The following KLHL14 variants were observed in gnomAD, a reference collection of about 807,000 sequenced individuals.
KLHL14 encodes the protein kelch-like protein 14.
A neutral mutation model predicts 64.3 loss-of-function variants in KLHL14; 22 were observed. The ratio of observed to expected loss-of-function variants is 0.34; its 90% CI spans 0.24 to 0.49. The LOEUF is 0.49. KLHL14 is among the 20% of genes least tolerant of loss of function. KLHL14 has a pLI of 0.99. For missense variants in KLHL14, 661 were observed against 789.0 expected (o/e 0.84, Z 1.94); for synonymous variants, 322 against 333.4 (o/e 0.97, Z 0.37).
intron 2 of KLHL14, among the ~76,000 whole-genome samples, chr18:32,754,725 T>C (rs1214902207): frequency 6.6e-6 from 1 of 152,038 alleles, no homozygotes; most frequent in Non-Finnish European, 1.5e-5. Flanking sequence ...AGTTGGAGAG[T>C]CACTGCAGGA....
intron 3 of KLHL14, among the ~76,000 whole-genome samples, chr18:32,720,734 C>A (rs2050074813): frequency 6.6e-6 from 1 of 152,134 alleles, no homozygotes; most frequent in Non-Finnish European, 1.5e-5. Flanking sequence ...TTTCACAAAG[C>A]TGTGCTTTCC....
intron 7 of KLHL14, among the ~76,000 whole-genome samples, chr18:32,678,739 A>G (rs2049823422): frequency 1.3e-5 from 2 of 152,142 alleles, no homozygotes; most frequent in Non-Finnish European, 2.9e-5. Context: ...CCACACAACT[A>G]GAAAGTGCAT....
intron 2 of KLHL14, among the ~76,000 whole-genome samples, chr18:32,747,667 T>A (rs1369783262): frequency 1.3e-5 from 2 of 152,208 alleles, no homozygotes; most frequent in Non-Finnish European, 2.9e-5. Flanking sequence ...TACGGCCCAG[T>A]TCCTAACAGG....
chr18:32,700,070 A>G (rs184463217), intron 3 of KLHL14, among the ~76,000 whole-genome samples: 1 of 152,092 alleles, frequency 6.6e-6, no homozygotes, highest in East Asian at 1.9e-4. Context: ...TGTACTAGAG[A>G]TCCACACTAC....
At chr18:32,771,966 C>T in intron 1 of KLHL14, 1 of 177,930 alleles carries the variant, frequency 5.6e-6, no homozygotes, top group Non-Finnish European at 1.2e-5. Flanking sequence ...AAGTCTGAGC[C>T]GCCCGCATCT....
chr18:32,734,341 A>G, intron 3 of KLHL14: 1 of 673,010 alleles, frequency 1.5e-6, no homozygotes, highest in Non-Finnish European at 2.7e-6. Flanking sequence ...ATGCATGTCA[A>G]GATGGAGCCC....
intron 3 of KLHL14, among the ~76,000 whole-genome samples, chr18:32,705,715 T>G (rs185448588): frequency 8.5e-5 from 13 of 152,362 alleles, no homozygotes; most frequent in Non-Finnish European, 8.8e-5. Context: ...AGAGCAAGAC[T>G]GTCTCTAAAT....
At chr18:32,761,342 C>A (rs1451206373) in intron 2 of KLHL14, among the ~76,000 whole-genome samples, 1 of 150,836 alleles carries the variant, frequency 6.6e-6, no homozygotes, top group Non-Finnish European at 1.5e-5. Context: ...GGGCCTACAA[C>A]TTCCTGTATG....
chr18:32,721,651 T>C (rs2050080412), intron 3 of KLHL14, among the ~76,000 whole-genome samples: 1 of 152,184 alleles, frequency 6.6e-6, no homozygotes, highest in Non-Finnish European at 1.5e-5. Flanking sequence ...CAAACTCTTC[T>C]TCCAACTCTT....
chr18:32,696,641 AAT>A (rs1223740882), intron 3 of KLHL14, among the ~76,000 whole-genome samples: 4 of 152,004 alleles, frequency 2.6e-5, no homozygotes, highest in Non-Finnish European at 5.9e-5. Context: ...GTGGGAAATC[AAT>A]ATGAGTCAGG....
chr18:32,730,787 A>C (rs893725671), intron 3 of KLHL14, among the ~76,000 whole-genome samples: 6 of 152,218 alleles, frequency 3.9e-5, no homozygotes, highest in Non-Finnish European at 7.3e-5. Flanking sequence ...TGGTCTTCGA[A>C]ACTCACAAAG....
At chr18:32,740,625 T>G (rs985404451) in intron 3 of KLHL14, among the ~76,000 whole-genome samples, 1 of 152,234 alleles carries the variant, frequency 6.6e-6, no homozygotes, top group Non-Finnish European at 1.5e-5. Context: ...GACAAACCTT[T>G]AAAATTCAGC....
chr18:32,682,457 T>C (rs2049845318), intron 5 of KLHL14, among the ~76,000 whole-genome samples: 1 of 152,184 alleles, frequency 6.6e-6, no homozygotes, highest in East Asian at 1.9e-4. Context: ...CCATGTCTTC[T>C]GTGGGGTCCG....
intron 2 of KLHL14, among the ~76,000 whole-genome samples, chr18:32,760,339 T>TACAC (rs60814600): frequency 0.01 from 1,532 of 146,938 alleles, 25 homozygotes; most frequent in African/African-American, 0.029. Flanking sequence ...CACACAGACA[T>TACAC]ACACACACAC....
At chr18:32,754,075 G>A (rs2050269945) in intron 2 of KLHL14, among the ~76,000 whole-genome samples, 1 of 152,206 alleles carries the variant, frequency 6.6e-6, no homozygotes, top group Admixed American at 6.5e-5. Context: ...CAACCAACAT[G>A]TGTGTGACAG....
At chr18:32,684,087 A>G (rs1383076867) in intron 5 of KLHL14, among the ~76,000 whole-genome samples, 1 of 152,138 alleles carries the variant, frequency 6.6e-6, no homozygotes, top group Non-Finnish European at 1.5e-5. Context: ...TAACACTTCA[A>G]ACATCAACTT....
At position 32,674,732 on chromosome 18, in the gene KLHL14, T is replaced by G. The variant is rs539607726; in HGVS notation, c.1812A>C (p.Gly604=). The change falls in exon 9 of 9, where the codon GGA becomes GGC. Residue 604 remains glycine (G), a synonymous_variant. Transcript: ENST00000359358. ...GGCCTGCCAACGGTTCTGCTACATC[T>G]CCTTCGAGTTCTGTCCAGGTTCCTT... ...PEKGTWTELE[G]DVAEPLAGPA... 6.4e-6 allele frequency: 5 copies of G among 780,960 alleles called. No individual in the cohort carries two copies. The African/African-American group carries it at 8.4e-5, about 13-fold the overall frequency. The allele number at this position is 780,960 out of a possible 1,614,324, so 48.4% of individuals were successfully genotyped here. A position where few individuals can be genotyped will look rare whatever the true frequency, so the allele number is the denominator to read the frequency against.
chr18:32,677,429 G>A, intron 7 of KLHL14, 99 bp from the exon 8 acceptor site: 1 of 1,095,688 alleles, frequency 9.1e-7, no homozygotes, highest in South Asian at 1.8e-5. Flanking sequence ...AGCCAAAATA[G>A]ATAATTATGT....
intron 3 of KLHL14, among the ~76,000 whole-genome samples, chr18:32,705,251 T>C (rs971763938): frequency 4.6e-5 from 7 of 152,228 alleles, no homozygotes; most frequent in African/African-American, 1.4e-4. Context: ...ACATATTACA[T>C]AGCTTCAAAT....
Sources: allele counts gnomAD v4.1 joint callset (sites outside exome capture counted in the v4.1 genomes callset), GRCh38; gene constraint gnomAD v4.1.1; transcripts MANE v1.5; gene names NCBI Gene and HGNC (gene_info 2026-07-23, HGNC 2026-07-21).